CFAP206: variants seen among roughly 807,000 people sequenced by gnomAD.
CFAP206 encodes the protein cilia- and flagella-associated protein 206.
A neutral mutation model predicts 65.4 loss-of-function variants in CFAP206; 53 were observed. The ratio of observed to expected loss-of-function variants is 0.81; its 90% CI spans 0.65 to 1.02. CFAP206 has a LOEUF of 1.02. Ranked by LOEUF, CFAP206 falls within the 50% of genes least tolerant of loss-of-function variation. The probability of loss-of-function intolerance (pLI) is 0.00; values close to 1 mark genes in which losing one functional copy is unlikely to be tolerated. For synonymous variants in CFAP206, 250 were observed against 254.4 expected, an observed-to-expected ratio of 0.98 and a Z score of 0.17; for missense variants, 663 against 753.2, an observed-to-expected ratio of 0.88 and a Z score of 1.40.
chr6:87,417,250 CG>C (rs1022777728), intron 6 of CFAP206, among the ~76,000 whole-genome samples: 8 of 152,096 alleles, frequency 5.3e-5, no homozygotes, highest in African/African-American at 1.9e-4. Context: ...TCTCTAAATT[CG>C]GGGGCATTTA....
In CFAP206 at chr6:87,426,585, T is replaced by G; in HGVS notation, c.900T>G (p.His300Gln). The G allele has an allele frequency of 6.2e-7, 1 of 1,602,500 alleles. No homozygotes were observed. The highest frequency in any genetic ancestry group is 8.5e-7 in the Non-Finnish European group (1 of 1,173,814). Residue 300 changes from histidine to glutamine, a missense_variant, in exon 8 of 13, where the codon CAT (histidine) becomes CAG (glutamine). By Grantham distance (24) the His-to-Gln change is conservative. Coordinates refer to ENST00000369562, the MANE Select transcript of CFAP206 (RefSeq NM_001031743.3). ...TGATGACAAAACAGTTAGGAGCCCA[T>G]CTGGAACAACTAAAAATGACCATAA... Reference protein sequence around the residue: ...VEMMTKQLGAHLEQLKMTIKS... With the variant: ...VEMMTKQLGAQLEQLKMTIKS...
chr6:87,435,052 A>T lies in CFAP206; in HGVS notation c.1493A>T (p.Gln498Leu). 1 of 1,559,294 alleles carries T rather than the reference A, an allele frequency of 6.4e-7. No individual in the cohort carries two copies. Among genetic ancestry groups the T allele is most frequent in the Non-Finnish European group, 8.7e-7 (1 of 1,147,572 alleles). Residue 498 changes from glutamine (Q) to leucine (L), a missense_variant and splice_region_variant, in exon 11 of 13, where the codon CAG becomes CTG. Coordinates refer to ENST00000369562, the MANE Select transcript of CFAP206 (RefSeq NM_001031743.3). ...TTTGAAACATTTATTCCATATTCTC[A>T]GGTAAGCAGGGTCAATATTTTATGA... ...QQFETFIPYS[Q>L]MRDADKHYIK...
At chr6:87,440,806 G>A (rs960529621) in intron 11 of CFAP206, among the ~76,000 whole-genome samples, 2 of 152,142 alleles carry the variant, frequency 1.3e-5, no homozygotes, top group Admixed American at 1.3e-4. Context: ...AGTTCTGTAG[G>A]GAATTTTGGG....
At chr6:87,461,236 GTAAAT>G (rs956390717) in intron 12 of CFAP206, 71 bp downstream of exon 12, 9 of 1,025,112 alleles carry the variant, frequency 8.8e-6, no homozygotes, top group African/African-American at 8.6e-5. Context: ...CATAGAGTTG[GTAAAT>G]TAAATTATTT....
At chr6:87,451,667 CT>C (rs35292259) in intron 11 of CFAP206, among the ~76,000 whole-genome samples, 37,515 of 151,624 alleles carry the variant, frequency 0.25, 4,681 homozygotes, top group Non-Finnish European at 0.26. Context: ...ACGGCTTTAT[CT>C]TGCAACTTGG....
chr6:87,415,413 C>T, intron 4 of CFAP206: 2 of 249,818 alleles, frequency 8.0e-6, no homozygotes, highest in Non-Finnish European at 1.6e-5. Context: ...AGGTTTTAGC[C>T]TTTTCTGATA....
intron 11 of CFAP206, among the ~76,000 whole-genome samples, chr6:87,445,530 A>T (rs1022455450): frequency 3.3e-5 from 5 of 152,138 alleles, no homozygotes; most frequent in Non-Finnish European, 5.9e-5. Context: ...CGCAAAGGAC[A>T]TGATCTCATT....
intron 7 of CFAP206, among the ~76,000 whole-genome samples, chr6:87,419,321 C>G (rs966572993): frequency 1.3e-5 from 2 of 151,984 alleles, no homozygotes; most frequent in African/African-American, 4.8e-5. Context: ...CAAACAGTAT[C>G]CCTAGAGAGT....
chr6:87,441,974 G>T, intron 11 of CFAP206: 1 of 250,784 alleles, frequency 4.0e-6, no homozygotes, highest in South Asian at 5.5e-5. Context: ...TAAGCTTCCT[G>T]ATTGTCAGTT....
chr6:87,421,847 T>C (rs1767946183), intron 7 of CFAP206, among the ~76,000 whole-genome samples: 1 of 152,228 alleles, frequency 6.6e-6, no homozygotes, highest in Non-Finnish European at 1.5e-5. Context: ...TTTTTCTTGA[T>C]AAGGCAAGTA....
intron 11 of CFAP206, chr6:87,441,815 G>A (rs765571986): frequency 1.5e-5 from 4 of 261,252 alleles, no homozygotes; most frequent in Non-Finnish European, 2.3e-5. Flanking sequence ...AATTTCAGGC[G>A]AATAAGAGAA....
chr6:87,455,715 T>A (rs1219070778), intron 11 of CFAP206, among the ~76,000 whole-genome samples: 1 of 152,100 alleles, frequency 6.6e-6, no homozygotes, highest in Non-Finnish European at 1.5e-5. Context: ...AAAGGACCAC[T>A]AGAGGCTACT....
chr6:87,452,002 A>G (rs1476623464), intron 11 of CFAP206, among the ~76,000 whole-genome samples: 1 of 152,092 alleles, frequency 6.6e-6, no homozygotes, highest in Non-Finnish European at 1.5e-5. Flanking sequence ...TAGTTGCCAC[A>G]GTACCAAAAC....
In CFAP206 at chr6:87,424,399, C is replaced by A. The variant is rs540244701; in HGVS notation, c.841-2127C>A. Among the ~76,000 whole-genome samples, 504 of 152,206 alleles carry A rather than the reference C, an allele frequency of 3.3e-3. 3 individuals carry two copies. Among genetic ancestry groups the A allele is most frequent in the African/African-American group, 0.011 (466 of 41,534 alleles). ...AGTTCAAGTGATTCTCCTGCCTCAG[C>A]CTCCCGAGTAGCTGGGACATAGGCA... On this transcript the variant is annotated intron_variant, in intron 7 of 12. Coordinates refer to ENST00000369562, the MANE Select transcript of CFAP206 (RefSeq NM_001031743.3).
Position 87,426,438 on chromosome 6 carries a change from G to A in CFAP206, c.841-88G>A, listed in dbSNP as rs1697198779. ...GCTGTCATTGAGCCTACTTTCAGAG[G>A]ATGTGGGGAGCAGGTATGGTCTGAA... On this transcript the variant is annotated intron_variant, in intron 7 of 12. Transcript: ENST00000369562. 4 of 940,000 alleles carry A rather than the reference G, an allele frequency of 4.3e-6. No individual in the cohort carries two copies. In the South Asian group the frequency reaches 6.7e-5, roughly 16 times the overall value. 58.2% of individuals were successfully genotyped at this position (940,000 alleles called of 1,614,324 possible).
rs143634044 is a variant in CFAP206, at chr6:87,439,880, A to T, written c.1494+4827A>T. Among the ~76,000 whole-genome samples the T allele has an allele frequency of 6.2e-3, 944 of 152,098 alleles. 10 individuals are homozygous for T. Among genetic ancestry groups the T allele is most frequent in the African/African-American group, 0.021 (889 of 41,538 alleles). ...CTATTATGTTCAGTTATTCAATTTT[A>T]AAAAAAATCCTATACTGATATCTTC... On this transcript the variant is annotated intron_variant, in intron 11 of 12. Transcript: ENST00000369562.
chr6:87,451,797 C>T (rs1284606299), intron 11 of CFAP206, among the ~76,000 whole-genome samples: 1 of 151,884 alleles, frequency 6.6e-6, no homozygotes, highest in African/African-American at 2.4e-5. Context: ...AAATCCGCTT[C>T]CCTGGCGGAG....
At chr6:87,417,465 G>T (rs1196279179) in intron 6 of CFAP206, among the ~76,000 whole-genome samples, 2 of 150,498 alleles carry the variant, frequency 1.3e-5, no homozygotes, top group Admixed American at 6.6e-5. Context: ...GTTCTAAAAA[G>T]TCAAATTTCC....
intron 4 of CFAP206, among the ~76,000 whole-genome samples, chr6:87,415,018 A>G (rs944614999): frequency 6.6e-6 from 1 of 152,124 alleles, no homozygotes; most frequent in Non-Finnish European, 1.5e-5. Flanking sequence ...TAATAGTAAT[A>G]TGGGTTGTCT....
Sources: allele counts gnomAD v4.1 joint callset (sites outside exome capture counted in the v4.1 genomes callset), GRCh38; gene constraint gnomAD v4.1.1; transcripts MANE v1.5; gene names NCBI Gene and HGNC (gene_info 2026-07-23, HGNC 2026-07-21).